EHBP1: variants seen among roughly 807,000 people sequenced by gnomAD.
EHBP1 encodes the protein EH domain-binding protein 1.
A neutral mutation model predicts 144.0 loss-of-function variants in EHBP1; 55 were observed. That is an observed-to-expected ratio of 0.38 (90% CI 0.31 to 0.48). The LOEUF (loss-of-function observed/expected upper bound fraction) is 0.48, where lower values mean the gene tolerates loss of function less well. Ranked by LOEUF, EHBP1 falls within the 20% of genes least tolerant of loss-of-function variation. The probability of loss-of-function intolerance (pLI) is 0.98; values close to 1 mark genes in which losing one functional copy is unlikely to be tolerated. For synonymous variants in EHBP1, 469 were observed against 472.7 expected, an observed-to-expected ratio of 0.99 and a Z score of 0.10; for missense variants, 1,200 against 1,364.2, an observed-to-expected ratio of 0.88 and a Z score of 1.90.
rs555520615 is a variant in EHBP1, at chr2:62,756,501, G to T, written c.163-7765G>T. 2.0e-4 allele frequency among the ~76,000 whole-genome samples: 30 copies of T among 152,238 alleles called. No individual in the cohort carries two copies. In the South Asian group the frequency reaches 6.2e-3, roughly 32 times the overall value. ...ATGCTGTTTTAGGCTGCGCGTGTTG[G>T]CTCATGCCTGTAATCCCAGCACTTT... On this transcript the variant is annotated intron_variant, in intron 3 of 22. Coordinates refer to ENST00000431489, the MANE Select transcript of EHBP1 (RefSeq NM_001142616.3).
intron 2 of EHBP1, among the ~76,000 whole-genome samples, chr2:62,740,983 C>T (rs1243059167): frequency 1.3e-5 from 2 of 152,096 alleles, no homozygotes; most frequent in African/African-American, 2.4e-5. Context: ...GTAGCAGATA[C>T]ACCCAGAAAT....
chr2:62,727,147 C>T (rs1456933291), intron 2 of EHBP1, among the ~76,000 whole-genome samples: 1 of 152,210 alleles, frequency 6.6e-6, no homozygotes, highest in Non-Finnish European at 1.5e-5. Context: ...AGGCGTGAGC[C>T]ACTGCGCCCG....
intron 5 of EHBP1, among the ~76,000 whole-genome samples, chr2:62,805,994 T>TC (rs397718816): frequency 2.6e-5 from 4 of 151,986 alleles, no homozygotes; most frequent in African/African-American, 7.2e-5. Context: ...TTTTTTTTTT[T>TC]CCTGAGTCAG....
At chr2:62,841,618 A>G (rs1052256708) in intron 7 of EHBP1, among the ~76,000 whole-genome samples, 30 of 152,228 alleles carry the variant, frequency 2.0e-4, no homozygotes, top group Admixed American at 8.5e-4. Context: ...TTATTTCAAT[A>G]ACATTTTGCT....
At chr2:62,944,746 G>A (rs1033819448) in intron 12 of EHBP1, among the ~76,000 whole-genome samples, 2 of 152,192 alleles carry the variant, frequency 1.3e-5, no homozygotes, top group African/African-American at 2.4e-5. Context: ...CCCTGGGCCA[G>A]CTAACTGTGG....
At chr2:63,002,266 T>G (rs939411851) in intron 19 of EHBP1, among the ~76,000 whole-genome samples, 3 of 152,156 alleles carry the variant, frequency 2.0e-5, no homozygotes, top group Admixed American at 1.3e-4. Context: ...TAAAACTAGT[T>G]AATATTTCAG....
At chr2:62,903,503 C>A (rs2053569185) in intron 10 of EHBP1, among the ~76,000 whole-genome samples, 1 of 152,192 alleles carries the variant, frequency 6.6e-6, no homozygotes, top group African/African-American at 2.4e-5. Context: ...TGACTCACGC[C>A]TGCAATCCCA....
chr2:62,876,545 A>G lies in EHBP1; in HGVS notation c.1185+2013A>G, dbSNP rs1276081963. ...AAAAACACAGTTAAATACATAGACC[A>G]TTGTATTAGTCTGTTCTCACATTGC... On this transcript the variant is annotated intron_variant, in intron 10 of 22. Transcript: ENST00000431489. Among the ~76,000 whole-genome samples the G allele has an allele frequency of 2.6e-5, 4 of 152,318 alleles. No homozygotes were observed. The East Asian group carries it at 5.8e-4, about 22-fold the overall frequency.
chr2:62,758,554 G>A (rs1025899374), intron 3 of EHBP1, among the ~76,000 whole-genome samples: 8 of 152,134 alleles, frequency 5.3e-5, no homozygotes, highest in African/African-American at 1.9e-4. Flanking sequence ...AATAAATTAT[G>A]TTTCAGTACA....
intron 7 of EHBP1, among the ~76,000 whole-genome samples, chr2:62,856,118 A>T (rs1009800518): frequency 2.0e-5 from 3 of 152,160 alleles, no homozygotes; most frequent in African/African-American, 4.8e-5. Context: ...TTGCCTGTGT[A>T]CCTCATTCTT....
intron 2 of EHBP1, among the ~76,000 whole-genome samples, chr2:62,744,985 T>G (rs1414221826): frequency 6.6e-6 from 1 of 152,088 alleles, no homozygotes; most frequent in Non-Finnish European, 1.5e-5. Flanking sequence ...AACCTAGGTA[T>G]CAGTATTTAG....
At chr2:62,784,601 C>G (rs1351404444) in intron 5 of EHBP1, among the ~76,000 whole-genome samples, 1 of 152,118 alleles carries the variant, frequency 6.6e-6, no homozygotes, top group East Asian at 1.9e-4. Flanking sequence ...GCCACATGAA[C>G]TTGAAAGACT....
At chr2:62,943,645 A>G (rs1436397017) in intron 11 of EHBP1, among the ~76,000 whole-genome samples, 157 bp from the exon 12 acceptor site, 1 of 152,122 alleles carries the variant, frequency 6.6e-6, no homozygotes. Flanking sequence ...TTATTTCTTT[A>G]ATTTTCCACA....
At chr2:62,948,174 CA>C in intron 12 of EHBP1, 85 bp from the exon 13 acceptor site, 1 of 1,272,602 alleles carries the variant, frequency 7.9e-7, no homozygotes, top group South Asian at 1.9e-5. Flanking sequence ...TGTACCCAAA[CA>C]ACAAAAATTA....
At chr2:62,975,606 A>C (rs973777057) in intron 14 of EHBP1, among the ~76,000 whole-genome samples, 1 of 152,156 alleles carries the variant, frequency 6.6e-6, no homozygotes, top group Admixed American at 6.5e-5. Flanking sequence ...ATGATATTTT[A>C]TAAAGTAGAG....
rs1217451296 is a variant in EHBP1 at position 62,949,162 on chromosome 2, GGTAA to G, written c.2316+3_2316+6del. 1 of 1,540,922 alleles carries G rather than the reference GGTAA, an allele frequency of 6.5e-7. No homozygotes were observed. Among genetic ancestry groups the G allele is most frequent in the African/African-American group, 1.4e-5 (1 of 72,044 alleles). On this transcript the variant is annotated splice_donor_variant and splice_donor_region_variant and intron_variant, in intron 13 of 22. Coordinates refer to ENST00000431489, the MANE Select transcript of EHBP1 (RefSeq NM_001142616.3). LOFTEE classifies it high-confidence loss of function. ...CAGATCATTCATCAAAAATAGTCCA[GGTAA>G]GTGAGTTAGAATGCTGAATACTATA...
upstream of EHBP1, among the ~76,000 whole-genome samples, chr2:62,702,476 G>C (rs968646541): frequency 2.6e-5 from 4 of 152,142 alleles, no homozygotes; most frequent in African/African-American, 9.7e-5. Flanking sequence ...TTGGTTGGTA[G>C]GGGAAATGGG....
intron 6 of EHBP1, 139 bp downstream of exon 6, chr2:62,826,407 A>G (rs1273162695): frequency 2.9e-6 from 2 of 694,022 alleles, no homozygotes; most frequent in Non-Finnish European, 4.4e-6. Context: ...AGGCTGAATT[A>G]AGGGAACTCC....
rs1010851711 is a variant in EHBP1, at chr2:62,993,892, T to C, written c.2894T>C (p.Ile965Thr). Residue 965 changes from isoleucine to threonine, a missense_variant, in exon 18 of 23, where the codon ATA becomes ACA. By Grantham distance (89) the Ile-to-Thr change is moderately conservative. Coordinates refer to ENST00000431489, the MANE Select transcript of EHBP1 (RefSeq NM_001142616.3). ...TAAGAGATGAAAAGGCAGAGATCAA[T>C]ACAGGAAGATACAAAGAAAGGAAAT... Reference protein sequence around the residue: ...NRPEMKRQRSIQEDTKKGNEE... With the variant: ...NRPEMKRQRSTQEDTKKGNEE... 9 of 1,592,910 alleles carry C rather than the reference T, an allele frequency of 5.7e-6. No homozygotes were observed. Among genetic ancestry groups the C allele is most frequent in the Non-Finnish European group, 7.7e-6 (9 of 1,168,304 alleles).
Sources: gnomAD v4.1 joint callset for allele counts (sites outside exome capture counted in the v4.1 genomes callset) on GRCh38, gnomAD v4.1.1 for gene constraint, MANE v1.5 for transcripts, NCBI Gene and HGNC (gene_info 2026-07-23, HGNC 2026-07-21) for gene names.